The following MAD1L1 variants were observed in gnomAD, a reference collection of about 807,000 sequenced individuals.
The protein encoded by MAD1L1 is mitotic arrest deficient 1 like 1.
A neutral mutation model predicts 96.9 loss-of-function variants in MAD1L1; 95 were observed. That is an observed-to-expected ratio of 0.98 (90% CI 0.83 to 1.16). The LOEUF is 1.16. Among genes scored for constraint, MAD1L1 ranks in the 50% most tolerant of loss-of-function variants. The pLI, the probability that MAD1L1 is intolerant of heterozygous loss-of-function variation, is 0.00. For synonymous variants in MAD1L1, 473 were observed against 396.6 expected, an observed-to-expected ratio of 1.19 and a Z score of -2.29; for missense variants, 1,007 against 954.4, an observed-to-expected ratio of 1.06 and a Z score of -0.73.
At chr7:1,885,327 G>A (rs1785944330) in intron 18 of MAD1L1, among the ~76,000 whole-genome samples, 1 of 152,172 alleles carries the variant, frequency 6.6e-6, no homozygotes, top group African/African-American at 2.4e-5. Context: ...CGGGTCCTTT[G>A]TTCTCGGTCT....
intron 10 of MAD1L1, among the ~76,000 whole-genome samples, chr7:2,200,090 C>A (rs1330348272): frequency 6.6e-6 from 1 of 152,242 alleles, no homozygotes. Flanking sequence ...CATCCTCCAC[C>A]CCTCCCGGGG....
chr7:1,955,355 A>T (rs1262044148), intron 16 of MAD1L1, among the ~76,000 whole-genome samples: 1 of 152,146 alleles, frequency 6.6e-6, no homozygotes, highest in Non-Finnish European at 1.5e-5. Flanking sequence ...CAGTGGCGTG[A>T]TCTCGGCTCA....
chr7:2,109,214 C>T (rs1032842199), intron 11 of MAD1L1, among the ~76,000 whole-genome samples: 2 of 152,254 alleles, frequency 1.3e-5, no homozygotes, highest in Non-Finnish European at 2.9e-5. Context: ...GAGGCCAGCC[C>T]TCTGGTGTCA....
At chr7:2,148,730 T>A (rs187289367) in intron 11 of MAD1L1, 59 of 190,896 alleles carry the variant, frequency 3.1e-4, no homozygotes, top group African/African-American at 1.3e-3. Context: ...TTGGTATTCA[T>A]AGTGAGCCCC....
chr7:2,086,473 G>A (rs1306307591), intron 11 of MAD1L1, among the ~76,000 whole-genome samples: 4 of 152,380 alleles, frequency 2.6e-5, no homozygotes, highest in African/African-American at 7.2e-5. Context: ...GGCTGGGGAC[G>A]GAGCCACACA....
At chr7:2,045,031 C>G (rs546583855) in intron 12 of MAD1L1, among the ~76,000 whole-genome samples, 1 of 152,218 alleles carries the variant, frequency 6.6e-6, no homozygotes, top group Admixed American at 6.5e-5. Context: ...CGCAGAGGCA[C>G]GATCTGAGCC....
At chr7:2,030,068 A>T (rs1027239436) in intron 12 of MAD1L1, among the ~76,000 whole-genome samples, 1 of 152,184 alleles carries the variant, frequency 6.6e-6, no homozygotes, top group Non-Finnish European at 1.5e-5. Context: ...GCAGATGGAA[A>T]TCGAGTCTTT....
At chr7:2,083,119 T>G (rs1785736465) in intron 11 of MAD1L1, among the ~76,000 whole-genome samples, 1 of 152,160 alleles carries the variant, frequency 6.6e-6, no homozygotes, top group African/African-American at 2.4e-5. Context: ...ACTCGACCAA[T>G]AAAGAAACAT....
intron 13 of MAD1L1, among the ~76,000 whole-genome samples, chr7:2,009,902 A>T (rs903668810): frequency 6.6e-6 from 1 of 151,898 alleles, no homozygotes; most frequent in East Asian, 1.9e-4. Flanking sequence ...AGCCCGGCTC[A>T]GCGCAGTTCT....
chr7:1,863,393 C>A (rs1046414665), intron 18 of MAD1L1, among the ~76,000 whole-genome samples: 1 of 152,208 alleles, frequency 6.6e-6, no homozygotes, highest in Non-Finnish European at 1.5e-5. Flanking sequence ...GCGGCACGGC[C>A]GTCACAAGGC....
chr7:2,140,691 G>A (rs974886608), intron 11 of MAD1L1, among the ~76,000 whole-genome samples: 13 of 152,206 alleles, frequency 8.5e-5, no homozygotes, highest in African/African-American at 2.2e-4. Context: ...GCCCAACCTC[G>A]GCTGGAAAGC....
intron 12 of MAD1L1, among the ~76,000 whole-genome samples, chr7:2,060,305 C>A (rs1485142418): frequency 2.1e-5 from 2 of 95,698 alleles, no homozygotes; most frequent in African/African-American, 8.1e-5. Flanking sequence ...ATACGCCGAT[C>A]CCGAGATACG....
intron 18 of MAD1L1, among the ~76,000 whole-genome samples, chr7:1,878,177 T>A (rs1185959693): frequency 1.3e-5 from 2 of 151,852 alleles, no homozygotes; most frequent in Non-Finnish European, 2.9e-5. Context: ...AATGCATAAT[T>A]TAAAAAGCTT....
chr7:1,919,998 T>TCCAGTGACACGGAGGTCC (rs56023182), intron 17 of MAD1L1, among the ~76,000 whole-genome samples: 144 of 151,558 alleles, frequency 9.5e-4, no homozygotes, highest in Middle Eastern at 6.8e-3. Flanking sequence ...TGCCAACAGC[T>TCCAGTGACACGGAGGTCC]CCAGTGACAC....
chr7:2,117,870 C>A (rs1787790586), intron 11 of MAD1L1, among the ~76,000 whole-genome samples: 1 of 152,156 alleles, frequency 6.6e-6, no homozygotes, highest in Non-Finnish European at 1.5e-5. Flanking sequence ...TGTGTATCCA[C>A]AGGGCCCCAC....
chr7:2,113,136 G>A (rs911179847), intron 11 of MAD1L1, among the ~76,000 whole-genome samples: 1 of 139,300 alleles, frequency 7.2e-6, no homozygotes, highest in Admixed American at 7.2e-5. Flanking sequence ...CTCAGGAAAC[G>A]GGGACGAGGG....
At chr7:1,913,613 G>A (rs546310517) in intron 17 of MAD1L1, among the ~76,000 whole-genome samples, 12 of 152,220 alleles carry the variant, frequency 7.9e-5, no homozygotes, top group South Asian at 2.1e-4. Context: ...TAGAAGTGGC[G>A]GGGAGGGGGA....
chr7:1,858,694 G>A (rs564707918), intron 18 of MAD1L1, among the ~76,000 whole-genome samples: 6 of 152,318 alleles, frequency 3.9e-5, no homozygotes, highest in South Asian at 2.1e-4. Flanking sequence ...ACATGGTGGC[G>A]AGGACGCATG....
chr7:1,993,533 T>C (rs1407133792), intron 14 of MAD1L1, among the ~76,000 whole-genome samples: 4 of 152,208 alleles, frequency 2.6e-5, no homozygotes, highest in African/African-American at 9.7e-5. Flanking sequence ...CTGGCCCAGA[T>C]AGAAAACAAG....
Sources: gnomAD v4.1 joint callset for allele counts (sites outside exome capture counted in the v4.1 genomes callset) on GRCh38, gnomAD v4.1.1 for gene constraint, MANE v1.5 for transcripts, NCBI Gene and HGNC (gene_info 2026-07-23, HGNC 2026-07-21) for gene names.